Variants in SGMS2 observed in about 807,000 individuals in gnomAD.
SGMS2 encodes the protein sphingomyelin synthase 2.
In SGMS2, 21 loss-of-function variants were observed where a neutral mutation model predicts 43.8. The ratio of observed to expected loss-of-function variants is 0.48; its 90% CI spans 0.34 to 0.69. The LOEUF (loss-of-function observed/expected upper bound fraction) is 0.69, where lower values mean the gene tolerates loss of function less well. SGMS2 is among the 30% of genes least tolerant of loss of function. The probability of loss-of-function intolerance (pLI) is 0.01; values close to 1 mark genes in which losing one functional copy is unlikely to be tolerated. For synonymous variants in SGMS2, 167 were observed against 160.6 expected, an observed-to-expected ratio of 1.04 and a Z score of -0.30; for missense variants, 384 against 443.2, an observed-to-expected ratio of 0.87 and a Z score of 1.20.
intron 5 of SGMS2, among the ~76,000 whole-genome samples, chr4:107,905,225 C>T (rs567041625): frequency 6.6e-6 from 1 of 152,282 alleles, no homozygotes; most frequent in South Asian, 2.1e-4. Context: ...AGGCAAAAGG[C>T]ATGTTTTACA....
intron 2 of SGMS2, among the ~76,000 whole-genome samples, chr4:107,883,204 C>T (rs1313463044): frequency 6.6e-6 from 1 of 152,164 alleles, no homozygotes; most frequent in Non-Finnish European, 1.5e-5. Flanking sequence ...TTTCTGTAGC[C>T]ATAAGTATCG....
chr4:107,884,994 A>T (rs573786400), intron 2 of SGMS2, among the ~76,000 whole-genome samples: 1 of 152,258 alleles, frequency 6.6e-6, no homozygotes, highest in Non-Finnish European at 1.5e-5. Flanking sequence ...AAGCAAAAAA[A>T]GCCACAATAG....
At chr4:107,890,802 CTT>C (rs1363591238) in intron 2 of SGMS2, among the ~76,000 whole-genome samples, 6 of 151,982 alleles carry the variant, frequency 3.9e-5, no homozygotes, top group Non-Finnish European at 8.8e-5. Flanking sequence ...ATTAAGCTGA[CTT>C]TAACCATTAA....
At chr4:107,830,347 G>A (rs1560625916) in intron 1 of SGMS2, among the ~76,000 whole-genome samples, 1 of 152,114 alleles carries the variant, frequency 6.6e-6, no homozygotes. Context: ...ACATACATGT[G>A]CATGTATCTT....
chr4:107,848,236 A>G (rs1726943314), intron 1 of SGMS2, among the ~76,000 whole-genome samples: 1 of 152,118 alleles, frequency 6.6e-6, no homozygotes, highest in Non-Finnish European at 1.5e-5. Flanking sequence ...ATGTCTTTGT[A>G]GTTTGAAATA....
intron 2 of SGMS2, chr4:107,893,734 C>G (rs1730435805): frequency 6.6e-6 from 1 of 152,276 alleles, no homozygotes; most frequent in African/African-American, 2.4e-5. Context: ...TCTACCAGGC[C>G]AGCTTTCCAC....
intron 1 of SGMS2, among the ~76,000 whole-genome samples, chr4:107,835,381 CTT>C (rs1354160329): frequency 1.3e-5 from 2 of 152,134 alleles, no homozygotes; most frequent in Non-Finnish European, 2.9e-5. Flanking sequence ...TTTGGAGTCA[CTT>C]TGCGACTTTC....
At chr4:107,910,196 T>C in intron 6 of SGMS2, 154 bp from the exon 7 acceptor site, 1 of 669,318 alleles carries the variant, frequency 1.5e-6, no homozygotes, top group Non-Finnish European at 2.5e-6. Context: ...AGCGGAGTCA[T>C]GGTAGAGTTA....
intron 1 of SGMS2, among the ~76,000 whole-genome samples, chr4:107,847,871 A>T: frequency 6.6e-6 from 1 of 152,140 alleles, no homozygotes; most frequent in East Asian, 1.9e-4. Context: ...CCTACCCCTC[A>T]GTTTCCCACA....
At chr4:107,830,551 G>T (rs1725834963) in intron 1 of SGMS2, among the ~76,000 whole-genome samples, 1 of 151,996 alleles carries the variant, frequency 6.6e-6, no homozygotes, top group African/African-American at 2.4e-5. Context: ...CATGTTTTTT[G>T]ACTTTTTAAT....
At chr4:107,845,909 A>AGTGAGAC (rs1726781407) in intron 1 of SGMS2, among the ~76,000 whole-genome samples, 1 of 152,212 alleles carries the variant, frequency 6.6e-6, no homozygotes, top group Non-Finnish European at 1.5e-5. Flanking sequence ...GGAGTTACAG[A>AGTGAGAC]TCTAAATGTT....
intron 2 of SGMS2, chr4:107,863,331 A>T (rs554054992): frequency 2.0e-5 from 3 of 152,298 alleles, no homozygotes; most frequent in Non-Finnish European, 1.5e-5. Flanking sequence ...AGTTGTGTGT[A>T]TTAATGTTAG....
Position 107,883,363 on chromosome 4 carries a change from G to A in SGMS2, c.-244-11947G>A, listed in dbSNP as rs182079601. 5.9e-5 allele frequency among the ~76,000 whole-genome samples: 9 copies of A among 152,202 alleles called. No individual in the cohort carries two copies. The East Asian group carries it at 1.7e-3, about 29-fold the overall frequency. On this transcript the variant is annotated intron_variant, in intron 2 of 6. Coordinates refer to ENST00000690982, the MANE Select transcript of SGMS2 (RefSeq NM_001375905.1). ...AGAGTCTTGCTCTGTCACCCAGGCT[G>A]GAGCACAGTGGTGCAATCTCAGCTC...
chr4:107,888,748 A>G lies in SGMS2; in HGVS notation c.-244-6562A>G, dbSNP rs566786826. 3.3e-5 allele frequency among the ~76,000 whole-genome samples: 5 copies of G among 152,216 alleles called. No individual in the cohort carries two copies. The South Asian group carries it at 1.0e-3, about 32-fold the overall frequency. On this transcript the variant is annotated intron_variant, in intron 2 of 6. Transcript: ENST00000690982. ...TTTAAAAGGACACACTTTTTTTTTA[A>G]GAAAGAATGTTTTCCTACAAATATA...
chr4:107,833,294 A>C (rs1371994844), intron 1 of SGMS2, among the ~76,000 whole-genome samples: 1 of 152,192 alleles, frequency 6.6e-6, no homozygotes, highest in East Asian at 1.9e-4. Flanking sequence ...GGAGGAGAGT[A>C]GCTTGTACAC....
chr4:107,837,771 G>GGGT (rs1298121061), intron 1 of SGMS2, among the ~76,000 whole-genome samples: 1 of 152,180 alleles, frequency 6.6e-6, no homozygotes, highest in Non-Finnish European at 1.5e-5. Context: ...GCTTGGAGAA[G>GGGT]GGTGGTGGTG....
chr4:107,866,423 A>G (rs1728124887), intron 2 of SGMS2, among the ~76,000 whole-genome samples: 1 of 152,054 alleles, frequency 6.6e-6, no homozygotes, highest in Non-Finnish European at 1.5e-5. Context: ...AAAATTAGCC[A>G]GGCGTAGTGG....
At position 107,896,109 on chromosome 4, in the gene SGMS2, A is replaced by G. The variant is rs567576521; in HGVS notation, c.455+101A>G. ...TTCCTTTTTTTCCCCCAATAAATTC[A>G]GTCTTACCCAAACATTTGATGAAAG... On this transcript the variant is annotated intron_variant, in intron 3 of 6. Transcript: ENST00000690982. 399 of 1,048,832 alleles carry G rather than the reference A, an allele frequency of 3.8e-4. 1 individual carries two copies. The highest frequency in any genetic ancestry group is 6.5e-4 in the Middle Eastern group (2 of 3,074). The allele number at this position is 1,048,832 out of a possible 1,614,324, so 65.0% of individuals were successfully genotyped here.
chr4:107,852,468 G>C (rs559478139), intron 1 of SGMS2, among the ~76,000 whole-genome samples: 19 of 152,100 alleles, frequency 1.2e-4, no homozygotes, highest in Non-Finnish European at 2.6e-4. Context: ...TTTAGGAAAT[G>C]TTATGCCTGG....
Sources: gnomAD v4.1 joint callset for allele counts (sites outside exome capture counted in the v4.1 genomes callset) on GRCh38, gnomAD v4.1.1 for gene constraint, MANE v1.5 for transcripts, NCBI Gene and HGNC (gene_info 2026-07-23, HGNC 2026-07-21) for gene names.